The following RYR3 variants were observed in gnomAD, a reference collection of about 807,000 sequenced individuals.
The protein encoded by RYR3 is brain ryanodine receptor-calcium release channel.
A neutral mutation model predicts 584.3 loss-of-function variants in RYR3; 207 were observed. That is an observed-to-expected ratio of 0.35 (90% CI 0.32 to 0.40). The LOEUF is 0.40. Ranked by LOEUF, RYR3 falls within the 10% of genes least tolerant of loss-of-function variation. The pLI, the probability that RYR3 is intolerant of heterozygous loss-of-function variation, is 1.00. For missense variants in RYR3, 5,616 were observed against 6,089.2 expected, an observed-to-expected ratio of 0.92 and a Z score of 2.59; for synonymous variants, 2,416 against 2,248.5, an observed-to-expected ratio of 1.07 and a Z score of -2.11.
At position 33,756,301 on chromosome 15, in the gene RYR3, C is replaced by CTG; in HGVS notation, c.8516-5_8516-4insTG. ...GCCAACTTTGTGTTACCTGTGTCTT[C>CTG]GTAGAAGCCATTGTCAGCAGTGGGA... On this transcript the variant is annotated splice_region_variant and splice_polypyrimidine_tract_variant and intron_variant, in intron 58 of 103. Coordinates refer to ENST00000634891, the MANE Select transcript of RYR3 (RefSeq NM_001036.6). 2 of 1,570,576 alleles carry CTG rather than the reference C, an allele frequency of 1.3e-6. No individual in the cohort carries two copies. Among genetic ancestry groups the CTG allele is most frequent in the Non-Finnish European group, 1.7e-6 (2 of 1,156,310 alleles).
At chr15:33,556,241 A>G (rs1016267595) in intron 10 of RYR3, among the ~76,000 whole-genome samples, 3 of 152,220 alleles carry the variant, frequency 2.0e-5, no homozygotes, top group African/African-American at 4.8e-5. Flanking sequence ...ATAAGCATCA[A>G]TTAGAAGCTA....
intron 10 of RYR3, among the ~76,000 whole-genome samples, chr15:33,559,813 T>C (rs1196202857): frequency 6.6e-6 from 1 of 152,050 alleles, no homozygotes; most frequent in Non-Finnish European, 1.5e-5. Flanking sequence ...TACTGTAATA[T>C]ACAGAAGATA....
At chr15:33,671,382 T>A (rs1398986620) in intron 38 of RYR3, among the ~76,000 whole-genome samples, 1 of 152,184 alleles carries the variant, frequency 6.6e-6, no homozygotes, top group East Asian at 1.9e-4. Context: ...CCCTTTCAAA[T>A]CGTAGACTAG....
At chr15:33,506,131 C>A (rs2052465918) in intron 3 of RYR3, among the ~76,000 whole-genome samples, 1 of 152,102 alleles carries the variant, frequency 6.6e-6, no homozygotes, top group African/African-American at 2.4e-5. Context: ...ACTTAATAGT[C>A]TTAACTTGGT....
At chr15:33,720,708 TACA>T (rs1223810631) in intron 43 of RYR3, among the ~76,000 whole-genome samples, 3 of 152,032 alleles carry the variant, frequency 2.0e-5, no homozygotes, top group South Asian at 2.1e-4. Context: ...TACAAAAAAG[TACA>T]ACAACAACAA....
intron 1 of RYR3, among the ~76,000 whole-genome samples, chr15:33,421,375 T>C (rs1335016326): frequency 6.6e-6 from 1 of 152,174 alleles, no homozygotes; most frequent in African/African-American, 2.4e-5. Context: ...TTTGGAGTTG[T>C]TGTATGAATC....
intron 14 of RYR3, among the ~76,000 whole-genome samples, chr15:33,582,273 G>T (rs1271119711): frequency 1.3e-5 from 2 of 152,208 alleles, no homozygotes; most frequent in Non-Finnish European, 2.9e-5. Context: ...GCCACCAGGA[G>T]TTGCTCAGAC....
rs545088795 is a variant in RYR3 at position 33,639,383 on chromosome 15, T to C, written c.3556+2833T>C. On this transcript the variant is annotated intron_variant, in intron 27 of 103. Coordinates refer to ENST00000634891, the MANE Select transcript of RYR3 (RefSeq NM_001036.6). ...GCCTTGTGAGTTGGTGGAAGGGTAG[T>C]TATAAGGAAGTCGACATGCCATTCT... Among the ~76,000 whole-genome samples the C allele has an allele frequency of 3.3e-5, 5 of 152,304 alleles. No homozygotes were observed. In the East Asian group the frequency reaches 9.6e-4, roughly 29 times the overall value.
chr15:33,763,914 A>AAAAAAC (rs2072752620), intron 60 of RYR3, among the ~76,000 whole-genome samples: 1 of 127,580 alleles, frequency 7.8e-6, no homozygotes, highest in Non-Finnish European at 1.7e-5. Flanking sequence ...AAAAAAAAAA[A>AAAAAAC]AATCAGGAAA....
intron 2 of RYR3, among the ~76,000 whole-genome samples, chr15:33,483,578 A>C (rs1402308862): frequency 6.6e-6 from 1 of 152,176 alleles, no homozygotes. Flanking sequence ...TTGGGATTTT[A>C]ATGAAAAGCC....
chr15:33,635,494 A>G, intron 25 of RYR3, 120 bp from the exon 26 acceptor site: 1 of 716,998 alleles, frequency 1.4e-6, no homozygotes, highest in East Asian at 2.7e-5. Context: ...ATAGTAGTCG[A>G]CCTATGGTCA....
rs143381623 is a variant in RYR3 at position 33,632,281 on chromosome 15, G to A, written c.2868-668G>A. ...TAAACTCATATTCCCACATGGCCAT[G>A]ACAATCTGCTTTCCTAAGGTTTCAC... is the stretch of plus-strand genomic sequence containing the variant. On this transcript the variant is annotated intron_variant, in intron 23 of 103. Transcript: ENST00000634891. 2.8e-4 allele frequency among the ~76,000 whole-genome samples: 43 copies of A among 152,298 alleles called. No homozygotes were observed. The East Asian group carries it at 7.5e-3, about 27-fold the overall frequency.
At chr15:33,468,184 G>A (rs536684251) in intron 1 of RYR3, among the ~76,000 whole-genome samples, 2 of 152,262 alleles carry the variant, frequency 1.3e-5, no homozygotes, top group East Asian at 3.9e-4. Context: ...CAAATATAGA[G>A]CATATTAGCA....
chr15:33,602,733 CTTTTTTTTTTTTT>C lies in RYR3; in HGVS notation c.1923-373_1923-361del, dbSNP rs10578832. Among the ~76,000 whole-genome samples the C allele has an allele frequency of 1.5e-4, 11 of 75,234 alleles. No homozygotes were observed. The Admixed American group carries it at 1.8e-3, about 12-fold the overall frequency. The allele number at this position is 75,234 out of a possible 152,430, so 49.4% of individuals were successfully genotyped here. ...TTGAGGGTCCTAAGCTTTTTCTAGT[CTTTTTTTTTTTTT>C]TTTTTTTTTTTTTTTTGGAGACAAG... is the stretch of plus-strand genomic sequence containing the variant. On this transcript the variant is annotated intron_variant, in intron 17 of 103. Transcript: ENST00000634891.
chr15:33,453,702 C>T (rs747583347), intron 1 of RYR3, among the ~76,000 whole-genome samples: 22 of 152,012 alleles, frequency 1.4e-4, no homozygotes, highest in Admixed American at 2.0e-4. Context: ...ACAGTTGCCA[C>T]GCAGTTTCCT....
chr15:33,476,625 A>C (rs971351102), intron 2 of RYR3, among the ~76,000 whole-genome samples: 1 of 152,160 alleles, frequency 6.6e-6, no homozygotes, highest in Non-Finnish European at 1.5e-5. Flanking sequence ...TAATATGCCT[A>C]TGGTTTTCTT....
At chr15:33,791,222 A>G (rs1021226154) in intron 67 of RYR3, among the ~76,000 whole-genome samples, 1 of 152,204 alleles carries the variant, frequency 6.6e-6, no homozygotes, top group South Asian at 2.1e-4. Context: ...TTCTTCACCA[A>G]TGGGAAGGAT....
chr15:33,805,702 C>A (rs575435376), intron 69 of RYR3, among the ~76,000 whole-genome samples: 1 of 151,814 alleles, frequency 6.6e-6, no homozygotes, highest in African/African-American at 2.4e-5. Flanking sequence ...TGGTCTCGAT[C>A]TCCTGACGTC....
intron 16 of RYR3, among the ~76,000 whole-genome samples, chr15:33,591,733 G>A (rs993069245): frequency 6.6e-6 from 1 of 152,098 alleles, no homozygotes; most frequent in Non-Finnish European, 1.5e-5. Context: ...GCAAGGATTT[G>A]GGTCTACCTT....
Sources: allele counts gnomAD v4.1 joint callset (sites outside exome capture counted in the v4.1 genomes callset), GRCh38; gene constraint gnomAD v4.1.1; transcripts MANE v1.5; gene names NCBI Gene and HGNC (gene_info 2026-07-23, HGNC 2026-07-21).